Variants in CD99L2 observed in about 807,000 individuals in gnomAD.
CD99L2 encodes CD99 antigen-like protein 2.
CD99L2 carries 24 observed loss-of-function variants against 27.3 expected under a neutral mutation model. That is an observed-to-expected ratio of 0.88 (90% CI 0.64 to 1.24). CD99L2 has a LOEUF of 1.24. Among genes scored for constraint, CD99L2 ranks in the 50% most tolerant of loss-of-function variants. The probability of loss-of-function intolerance (pLI) is 0.00; values close to 1 mark genes in which losing one functional copy is unlikely to be tolerated. For missense variants in CD99L2, 255 were observed against 221.6 expected (o/e 1.15, Z -0.96); for synonymous variants, 97 against 87.9 (o/e 1.10, Z -0.58).
chrX:150,777,061 C>T, intron 8 of CD99L2: 1 of 218,175 alleles, frequency 4.6e-6, no homozygotes, highest in Non-Finnish European at 8.1e-6. Context: ...ACAATTTTGT[C>T]TGGCTCAGTG....
chrX:150,833,609 C>A (rs1557421121), intron 1 of CD99L2, among the ~76,000 whole-genome samples: 1 of 111,796 alleles, frequency 8.9e-6, no homozygotes, highest in African/African-American at 3.3e-5. Context: ...AAAACAGACA[C>A]ATGAACTAAT....
In CD99L2 at chrX:150,873,304, C is replaced by A. The variant is rs142732991; in HGVS notation, c.67+25218G>T. Among the ~76,000 whole-genome samples, 3 of 112,130 alleles carry A rather than the reference C, an allele frequency of 2.7e-5. No individual in the cohort carries two copies. The East Asian group carries it at 8.4e-4, about 32-fold the overall frequency. On this transcript the variant is annotated intron_variant, in intron 1 of 10. Coordinates refer to ENST00000370377, the MANE Select transcript of CD99L2 (RefSeq NM_031462.4). ...AAACATGATGCTAAGTGAAACGAGT[C>A]AGTTGCAAAAAGCCACATACGGTAT...
chrX:150,893,728 T>TG (rs1437031759), intron 1 of CD99L2, among the ~76,000 whole-genome samples: 1 of 110,103 alleles, frequency 9.1e-6, no homozygotes, highest in East Asian at 2.9e-4. Context: ...CCCTTTTTTT[T>TG]GTTTTGAGAC....
intron 8 of CD99L2, chrX:150,777,231 G>A (rs1313074711): frequency 2.0e-5 from 9 of 451,324 alleles, no homozygotes; most frequent in Non-Finnish European, 3.4e-5. Context: ...TAAAGATATT[G>A]AGGCCCATAA....
chrX:150,812,675 C>A (rs1557420381), intron 4 of CD99L2, among the ~76,000 whole-genome samples: 1 of 112,277 alleles, frequency 8.9e-6, no homozygotes, highest in Non-Finnish European at 1.9e-5. Context: ...ACCATGTGAT[C>A]CAGTCACTGC....
At chrX:150,769,716 GCCTTTCC>G (rs1569565837) in intron 10 of CD99L2, among the ~76,000 whole-genome samples, 3 of 106,514 alleles carry the variant, frequency 2.8e-5, no homozygotes, top group Non-Finnish European at 5.6e-5. Flanking sequence ...ACCCCAGCAA[GCCTTTCC>G]GGACCTCCTC....
chrX:150,861,779 G>A (rs1050667929), intron 1 of CD99L2, among the ~76,000 whole-genome samples: 5 of 109,454 alleles, frequency 4.6e-5, no homozygotes, highest in East Asian at 2.9e-4. Context: ...AGTGGCGGGC[G>A]CCTGTAATCT....
At chrX:150,827,505 G>A (rs1489580699) in intron 2 of CD99L2, among the ~76,000 whole-genome samples, 1 of 111,838 alleles carries the variant, frequency 8.9e-6, no homozygotes, top group Non-Finnish European at 1.9e-5. Context: ...ATGATATGCT[G>A]AGATTTTAAA....
chrX:150,827,233 G>T (rs1044477885), intron 2 of CD99L2, among the ~76,000 whole-genome samples: 1 of 111,409 alleles, frequency 9.0e-6, no homozygotes, highest in African/African-American at 3.3e-5. Context: ...TTCTCTGCAA[G>T]ATAAGTATCT....
chrX:150,822,957 C>T (rs899050183), intron 2 of CD99L2, among the ~76,000 whole-genome samples: 13 of 111,743 alleles, frequency 1.2e-4, no homozygotes, highest in African/African-American at 2.3e-4. Context: ...GGGGAGGTTA[C>T]CCTCATGCTG....
At chrX:150,838,917 A>AAGG (rs2046577043) in intron 1 of CD99L2, among the ~76,000 whole-genome samples, 4 of 63,741 alleles carry the variant, frequency 6.3e-5, no homozygotes, top group Non-Finnish European at 1.1e-4. Flanking sequence ...AAAAAAAAAA[A>AAGG]TGGGGGGGGG....
At chrX:150,770,959 A>G (rs1054566014) in intron 9 of CD99L2, among the ~76,000 whole-genome samples, 1 of 112,451 alleles carries the variant, frequency 8.9e-6, no homozygotes, top group East Asian at 2.8e-4. Flanking sequence ...GCTTCAGTCT[A>G]GTTAGTTATC....
intron 1 of CD99L2, among the ~76,000 whole-genome samples, chrX:150,868,904 A>G (rs1461404715): frequency 3.6e-5 from 4 of 112,068 alleles, no homozygotes; most frequent in African/African-American, 1.3e-4. Context: ...TGAGTTACAC[A>G]CATGAGGATC....
At chrX:150,780,225 T>C (rs1739742273) in intron 7 of CD99L2, among the ~76,000 whole-genome samples, 2 of 111,179 alleles carry the variant, frequency 1.8e-5, no homozygotes, top group Non-Finnish European at 1.9e-5. Context: ...CCATCTCATA[T>C]CCACTAGGAT....
intron 1 of CD99L2, among the ~76,000 whole-genome samples, chrX:150,877,501 C>T (rs943850284): frequency 4.5e-5 from 5 of 111,056 alleles, no homozygotes; most frequent in Non-Finnish European, 9.5e-5. Flanking sequence ...TGGTTATATA[C>T]CTGGAAATGC....
chrX:150,848,150 T>C (rs942473101), intron 1 of CD99L2, among the ~76,000 whole-genome samples: 1 of 100,648 alleles, frequency 9.9e-6, no homozygotes, highest in Non-Finnish European at 2.0e-5. Context: ...CAGTATTACA[T>C]AAATTATATT....
intron 4 of CD99L2, among the ~76,000 whole-genome samples, chrX:150,798,575 A>G (rs1300298085): frequency 1.8e-5 from 2 of 111,754 alleles, no homozygotes; most frequent in Admixed American, 1.9e-4. Flanking sequence ...GCATGAAAAA[A>G]AGAAATAGTT....
chrX:150,855,462 G>A (rs1251834523), intron 1 of CD99L2, among the ~76,000 whole-genome samples: 9 of 111,569 alleles, frequency 8.1e-5, no homozygotes, highest in African/African-American at 2.9e-4. Flanking sequence ...TCACATGGTG[G>A]AGCAGGAGAG....
intron 1 of CD99L2, among the ~76,000 whole-genome samples, chrX:150,897,134 A>G (rs2047624205): frequency 8.9e-6 from 1 of 112,763 alleles, no homozygotes; most frequent in African/African-American, 3.2e-5. Flanking sequence ...TTTCCTACAA[A>G]TGCATTGTAA....
Sources: gnomAD v4.1 joint callset for allele counts (sites outside exome capture counted in the v4.1 genomes callset) on GRCh38, gnomAD v4.1.1 for gene constraint, MANE v1.5 for transcripts, NCBI Gene and HGNC (gene_info 2026-07-23, HGNC 2026-07-21) for gene names.